PACRG: variants seen among roughly 807,000 people sequenced by gnomAD.
The protein encoded by PACRG is parkin coregulated.
Under a neutral mutation model 29.7 loss-of-function variants are expected in PACRG, and 29 were observed. The ratio of observed to expected loss-of-function variants is 0.98; its 90% CI spans 0.73 to 1.33. The LOEUF is 1.33. Ranked by LOEUF, PACRG falls within the 40% of genes most tolerant of loss-of-function variation. The pLI is 0.00. For synonymous variants in PACRG, 116 were observed against 118.7 expected (o/e 0.98, Z 0.15); for missense variants, 279 against 316.2 (o/e 0.88, Z 0.89).
chr6:163,023,019 G>T lies in PACRG; in HGVS notation c.292-39131G>T, dbSNP rs376308124. Among the ~76,000 whole-genome samples, 17 of 152,206 alleles carry T rather than the reference G, an allele frequency of 1.1e-4. No homozygotes were observed. The East Asian group carries it at 1.2e-3, about 10-fold the overall frequency. On this transcript the variant is annotated intron_variant, in intron 2 of 4. Transcript: ENST00000366888. ...GACCTTATTTTCACAAAATGCAAAT[G>T]TTAACATGCCTATTTAGCTCTCCCA...
chr6:163,311,395 C>A (rs1459335971), intron 4 of PACRG, among the ~76,000 whole-genome samples: 1 of 152,232 alleles, frequency 6.6e-6, no homozygotes, highest in African/African-American at 2.4e-5. Context: ...TCAGAATTGA[C>A]AATTGTAAAT....
chr6:162,778,128 G>A (rs1466269751), intron 1 of PACRG, among the ~76,000 whole-genome samples: 1 of 152,176 alleles, frequency 6.6e-6, no homozygotes, highest in Non-Finnish European at 1.5e-5. Context: ...GTTTTGGGGG[G>A]AGGAAACAGG....
intron 4 of PACRG, among the ~76,000 whole-genome samples, chr6:163,286,200 A>G (rs1312442104): frequency 1.3e-5 from 2 of 152,218 alleles, no homozygotes; most frequent in Non-Finnish European, 2.9e-5. Flanking sequence ...TCCAGACTGA[A>G]TGATGAGCTC....
chr6:162,731,484 A>G (rs1301983002), intron 1 of PACRG, among the ~76,000 whole-genome samples: 1 of 152,166 alleles, frequency 6.6e-6, no homozygotes, highest in Non-Finnish European at 1.5e-5. Flanking sequence ...TAAGTAATAT[A>G]GACATGATTT....
Position 163,057,432 on chromosome 6 carries a change from T to TC in PACRG, c.292-4716dup, listed in dbSNP as rs536386389. 2.0e-3 allele frequency among the ~76,000 whole-genome samples: 309 copies of TC among 152,292 alleles called. 2 individuals are homozygous for TC. The highest frequency in any genetic ancestry group is 7.3e-3 in the African/African-American group (303 of 41,572). ...GCCTGAGCTGCTTATTTATTTTTTT[T>TC]CCAGACAGAGTCTCACTCTGTCACC... On this transcript the variant is annotated intron_variant, in intron 2 of 4. Coordinates refer to ENST00000366888, the MANE Select transcript of PACRG (RefSeq NM_001080379.2).
intron 2 of PACRG, among the ~76,000 whole-genome samples, chr6:162,966,345 C>T (rs9458689): frequency 0.16 from 23,751 of 152,076 alleles, 3,255 homozygotes; most frequent in African/African-American, 0.36. Context: ...TGACCATTTG[C>T]GTGATGTCAT....
chr6:162,999,954 G>C (rs1221589436), intron 2 of PACRG, among the ~76,000 whole-genome samples: 1 of 152,084 alleles, frequency 6.6e-6, no homozygotes, highest in Non-Finnish European at 1.5e-5. Flanking sequence ...GCCTACAATG[G>C]TAATAATTTT....
At chr6:162,821,247 T>C (rs1483771020) in intron 2 of PACRG, among the ~76,000 whole-genome samples, 1 of 152,144 alleles carries the variant, frequency 6.6e-6, no homozygotes, top group Non-Finnish European at 1.5e-5. Context: ...GAAACAATTT[T>C]CCCCCAAGCC....
chr6:162,993,281 A>G (rs112506468), intron 2 of PACRG, among the ~76,000 whole-genome samples: 1 of 146,162 alleles, frequency 6.8e-6, no homozygotes, highest in African/African-American at 2.6e-5. Flanking sequence ...GCTGAGTTCA[A>G]TTCCTGGGTA....
chr6:162,762,091 A>G (rs1202720956), intron 1 of PACRG, among the ~76,000 whole-genome samples: 1 of 151,988 alleles, frequency 6.6e-6, no homozygotes, highest in African/African-American at 2.4e-5. Context: ...TCATTGTATC[A>G]CCATCCTTGA....
At chr6:163,284,850 A>T (rs1361611846) in intron 4 of PACRG, among the ~76,000 whole-genome samples, 1 of 152,188 alleles carries the variant, frequency 6.6e-6, no homozygotes, top group Non-Finnish European at 1.5e-5. Flanking sequence ...CACAAGAGAA[A>T]TACAGGTATC....
chr6:163,133,754 A>G (rs9458727), intron 4 of PACRG, among the ~76,000 whole-genome samples: 2 of 152,100 alleles, frequency 1.3e-5, no homozygotes, highest in East Asian at 1.9e-4. Flanking sequence ...TAAAGCTTTT[A>G]TCTTTCTTCC....
At chr6:162,989,761 A>C (rs1428300256) in intron 2 of PACRG, among the ~76,000 whole-genome samples, 1 of 136,568 alleles carries the variant, frequency 7.3e-6, no homozygotes, top group Admixed American at 7.4e-5. Flanking sequence ...ATTATACTTT[A>C]AGTTTTAGGG....
At chr6:162,973,437 G>A (rs949300090) in intron 2 of PACRG, among the ~76,000 whole-genome samples, 1 of 152,176 alleles carries the variant, frequency 6.6e-6, no homozygotes, top group African/African-American at 2.4e-5. Flanking sequence ...GCCCTTGCTG[G>A]TAGGACCTCT....
In PACRG at chr6:163,269,923, AAAG is replaced by A. The variant is rs1262166314; in HGVS notation, c.614-44901_614-44899del. Among the ~76,000 whole-genome samples, 13 of 64,222 alleles carry A rather than the reference AAAG, an allele frequency of 2.0e-4. 5 individuals are homozygous for A. Among genetic ancestry groups the A allele is most frequent in the African/African-American group, 9.5e-4 (11 of 11,638 alleles). The allele number at this position is 64,222 out of a possible 152,430, so 42.1% of individuals were successfully genotyped here. A position where few individuals can be genotyped will look rare whatever the true frequency, so the allele number is the denominator to read the frequency against. On this transcript the variant is annotated intron_variant, in intron 4 of 4. Transcript: ENST00000366888. ...GAAAGAAAGAAAGAAAGAAAGAAAG[AAAG>A]AAAACAAAGAAAGAAAGAAAGAAAG...
chr6:162,825,467 C>T (rs1260976819), intron 2 of PACRG, among the ~76,000 whole-genome samples: 2 of 152,048 alleles, frequency 1.3e-5, no homozygotes, highest in Non-Finnish European at 2.9e-5. Context: ...CTCTGTCTTC[C>T]AACTTAATAA....
intron 2 of PACRG, among the ~76,000 whole-genome samples, chr6:162,927,973 T>C (rs1931222): frequency 0.53 from 81,200 of 151,874 alleles, 22,444 homozygotes; most frequent in Middle Eastern, 0.7. Flanking sequence ...ATTGCTAATA[T>C]TGGCTTGTAG....
intron 1 of PACRG, among the ~76,000 whole-genome samples, chr6:162,810,174 T>C (rs906869479): frequency 6.6e-6 from 1 of 152,092 alleles, no homozygotes; most frequent in African/African-American, 2.4e-5. Context: ...CCAGTATTAA[T>C]AAGGCACTCC....
At chr6:162,913,181 G>T (rs911361831) in intron 2 of PACRG, among the ~76,000 whole-genome samples, 1 of 152,046 alleles carries the variant, frequency 6.6e-6, no homozygotes, top group Non-Finnish European at 1.5e-5. Context: ...CTAAATGTTG[G>T]CCTCTGTATA....
Sources: gnomAD v4.1 joint callset for allele counts (sites outside exome capture counted in the v4.1 genomes callset) on GRCh38, gnomAD v4.1.1 for gene constraint, MANE v1.5 for transcripts, NCBI Gene and HGNC (gene_info 2026-07-23, HGNC 2026-07-21) for gene names.